SMAD6: variants seen among roughly 807,000 people sequenced by gnomAD.
SMAD6 encodes SMAD family member 6.
Under a neutral mutation model 39.4 loss-of-function variants are expected in SMAD6, and 103 were observed. That is an observed-to-expected ratio of 2.62 (90% CI 2.23 to 3.08). The LOEUF is 3.08. Ranked by LOEUF, SMAD6 falls within the 30% of genes most tolerant of loss-of-function variation. The pLI is 0.00. For missense variants in SMAD6, 1,104 were observed against 742.9 expected, an observed-to-expected ratio of 1.49 and a Z score of -5.65; for synonymous variants, 445 against 353.3, an observed-to-expected ratio of 1.26 and a Z score of -2.91.
chr15:66,727,546 G>A (rs1255505126), intron 3 of SMAD6, among the ~76,000 whole-genome samples: 7 of 152,206 alleles, frequency 4.6e-5, no homozygotes, highest in Non-Finnish European at 7.3e-5. Flanking sequence ...GGCAAAGGCA[G>A]GAAGATGTGA....
In SMAD6 at chr15:66,716,242, G is replaced by A. The variant is rs575707143; in HGVS notation, c.875-179G>A. 1.2e-4 allele frequency among the ~76,000 whole-genome samples: 19 copies of A among 152,314 alleles called. No individual in the cohort carries two copies. The South Asian group carries it at 2.7e-3, about 22-fold the overall frequency. The stretch of plus-strand genomic sequence containing the variant: ...AAGAGTTCCTGGGCTGGCTGGTCTG[G>A]TCTGGGGTGATCCTGAGATGGGGTT... On this transcript the variant is annotated intron_variant, in intron 2 of 3. Coordinates refer to ENST00000288840, the MANE Select transcript of SMAD6 (RefSeq NM_005585.5).
At chr15:66,762,894 G>A (rs953003017) in intron 3 of SMAD6, among the ~76,000 whole-genome samples, 2 of 152,052 alleles carry the variant, frequency 1.3e-5, no homozygotes, top group African/African-American at 2.4e-5. Flanking sequence ...ATGCAGAGGA[G>A]TTGGTAGAGG....
At chr15:66,748,397 A>T (rs912309401) in intron 3 of SMAD6, among the ~76,000 whole-genome samples, 2 of 152,202 alleles carry the variant, frequency 1.3e-5, no homozygotes, top group African/African-American at 4.8e-5. Flanking sequence ...GTTACCACGC[A>T]CATAATGAAC....
chr15:66,704,051 C>T lies in SMAD6; in HGVS notation c.793C>T (p.His265Tyr), dbSNP rs1555434295. 4 of 1,507,900 alleles carry T rather than the reference C, an allele frequency of 2.7e-6. No homozygotes were observed. Among genetic ancestry groups the T allele is most frequent in the Non-Finnish European group, 3.5e-6 (4 of 1,137,184 alleles). 93.4% of individuals were successfully genotyped at this position (1,507,900 alleles called of 1,614,324 possible). ...CCCTACCGTGTGCTGCAACCCCTAC[C>T]ACTTCAGCCGGCTCTGCGGGCCCGG... ...DGPTVCCNPY[H>Y]FSRLCGPESP... Residue 265 changes from histidine (H) to tyrosine (Y), a missense_variant, in exon 1 of 4, where the codon CAC becomes TAC. Physicochemically the swap from His to Tyr is moderately conservative, Grantham distance 83. Coordinates refer to ENST00000288840, the MANE Select transcript of SMAD6 (RefSeq NM_005585.5).
At position 66,781,483 on chromosome 15, in the gene SMAD6, T is replaced by A; in HGVS notation, c.1439T>A (p.Phe480Tyr). 6.3e-7 allele frequency: 1 copy of A among 1,595,170 alleles called. No homozygotes were observed. ...TGGGGGCCCTGCTACTCCCGGCAGTTCATCACCTCCTGCCCCTGCTGGCTG... is the reference window on the plus strand; with the variant it reads ...TGGGGGCCCTGCTACTCCCGGCAGTACATCACCTCCTGCCCCTGCTGGCTG... ...KGWGPCYSRQ[F>Y]ITSCPCWLEI... The change falls in exon 4 of 4, where the codon TTC becomes TAC. Residue 480 changes from phenylalanine (F) to tyrosine (Y), a missense_variant. By Grantham distance (22) the Phe-to-Tyr change is conservative (BLOSUM62 3). Transcript: ENST00000288840.
rs771483256 is a variant in SMAD6 at position 66,782,293 on chromosome 15, C to G, written c.*758C>G. 5.4e-6 allele frequency: 1 copy of G among 184,394 alleles called. No individual in the cohort carries two copies. Among genetic ancestry groups the G allele is most frequent in the Non-Finnish European group, 1.1e-5 (1 of 90,414 alleles). 11.4% of individuals were successfully genotyped at this position (184,394 alleles called of 1,614,324 possible). On this transcript the variant is annotated 3_prime_UTR_variant, in exon 4 of 4. Coordinates refer to ENST00000288840, the MANE Select transcript of SMAD6 (RefSeq NM_005585.5). Reference sequence around the variant, plus strand: ...CAGTCTGATGGAGGAGGTTCATGCCCTAGCCTAGAAAGGCCCAGGTCCATG... The same window carrying G: ...CAGTCTGATGGAGGAGGTTCATGCCGTAGCCTAGAAAGGCCCAGGTCCATG...
At chr15:66,737,721 A>C (rs1249892386) in intron 3 of SMAD6, among the ~76,000 whole-genome samples, 9 of 151,796 alleles carry the variant, frequency 5.9e-5, no homozygotes, top group African/African-American at 2.2e-4. Context: ...AAAAAAAAAA[A>C]GCAAGTGAGC....
At chr15:66,748,495 C>A (rs1284537881) in intron 3 of SMAD6, among the ~76,000 whole-genome samples, 1 of 152,056 alleles carries the variant, frequency 6.6e-6, no homozygotes, top group Non-Finnish European at 1.5e-5. Context: ...CATTGGGTTA[C>A]AACAATAAAT....
chr15:66,740,852 G>T (rs1350452747), intron 3 of SMAD6: 1 of 152,208 alleles, frequency 6.6e-6, no homozygotes, highest in Non-Finnish European at 1.5e-5. Context: ...GGAAACTGAG[G>T]CCACCCTGAA....
chr15:66,749,084 G>A (rs1893955306), intron 3 of SMAD6, among the ~76,000 whole-genome samples: 1 of 152,154 alleles, frequency 6.6e-6, no homozygotes, highest in Non-Finnish European at 1.5e-5. Flanking sequence ...AGCACTTTGG[G>A]GAGACTGAGA....
chr15:66,756,553 C>A (rs1894103429), intron 3 of SMAD6, among the ~76,000 whole-genome samples: 1 of 152,246 alleles, frequency 6.6e-6, no homozygotes, highest in Non-Finnish European at 1.5e-5. Flanking sequence ...GCCATGCCAA[C>A]AGTGGTGTTT....
chr15:66,741,525 G>A (rs1224963427), intron 3 of SMAD6, among the ~76,000 whole-genome samples: 3 of 152,170 alleles, frequency 2.0e-5, no homozygotes, highest in Non-Finnish European at 4.4e-5. Context: ...ATAACTTGTA[G>A]ACCCAATGTT....
intron 3 of SMAD6, among the ~76,000 whole-genome samples, chr15:66,753,373 G>C (rs1016402206): frequency 1.3e-5 from 2 of 152,172 alleles, no homozygotes; most frequent in Non-Finnish European, 2.9e-5. Flanking sequence ...TTGTGCGTTG[G>C]GCCATCTCCA....
chr15:66,737,777 A>C (rs1333924541), intron 3 of SMAD6, among the ~76,000 whole-genome samples: 1 of 151,804 alleles, frequency 6.6e-6, no homozygotes, highest in Non-Finnish European at 1.5e-5. Context: ...AGGTGGAAAA[A>C]GGCCCGTGTG....
At chr15:66,718,552 T>C (rs1014200755) in intron 3 of SMAD6, among the ~76,000 whole-genome samples, 10 of 152,202 alleles carry the variant, frequency 6.6e-5, no homozygotes, top group African/African-American at 2.4e-4. Context: ...AGTGAGGTCT[T>C]GAAGGACTTT....
At chr15:66,730,380 C>A (rs1241185039) in intron 3 of SMAD6, among the ~76,000 whole-genome samples, 1 of 152,190 alleles carries the variant, frequency 6.6e-6, no homozygotes, top group Non-Finnish European at 1.5e-5. Flanking sequence ...TTGCACAGCC[C>A]ACAGTGGCCT....
chr15:66,713,106 T>A (rs1893263305), intron 2 of SMAD6, among the ~76,000 whole-genome samples: 1 of 152,174 alleles, frequency 6.6e-6, no homozygotes, highest in African/African-American at 2.4e-5. Flanking sequence ...ATCTGTGGGA[T>A]CCTGATTGTG....
intron 3 of SMAD6, among the ~76,000 whole-genome samples, chr15:66,774,607 G>A (rs1249478326): frequency 6.6e-6 from 1 of 152,102 alleles, no homozygotes; most frequent in Non-Finnish European, 1.5e-5. Flanking sequence ...GGCCGCTCTA[G>A]GACAGCCACA....
At chr15:66,718,609 T>C (rs1893376317) in intron 3 of SMAD6, among the ~76,000 whole-genome samples, 1 of 152,172 alleles carries the variant, frequency 6.6e-6, no homozygotes, top group African/African-American at 2.4e-5. Flanking sequence ...GTGTTTCCCT[T>C]TGTGTCATCC....
Sources: gnomAD v4.1 joint callset for allele counts (sites outside exome capture counted in the v4.1 genomes callset) on GRCh38, gnomAD v4.1.1 for gene constraint, MANE v1.5 for transcripts, NCBI Gene and HGNC (gene_info 2026-07-23, HGNC 2026-07-21) for gene names.